CTC1: variants seen among roughly 807,000 people sequenced by gnomAD.
CTC1 encodes the protein CST complex subunit CTC1.
In CTC1, 91 loss-of-function variants were observed where a neutral mutation model predicts 136.3. The ratio of observed to expected loss-of-function variants is 0.67; its 90% CI spans 0.56 to 0.79. The LOEUF is 0.79. Ranked by LOEUF, CTC1 falls within the 30% of genes least tolerant of loss-of-function variation. The pLI is 0.00. For missense variants in CTC1, 1,432 were observed against 1,498.1 expected, an observed-to-expected ratio of 0.96 and a Z score of 0.73; for synonymous variants, 606 against 613.8, an observed-to-expected ratio of 0.99 and a Z score of 0.19.
rs994221239 is a variant in CTC1, at chr17:8,236,362, G to A, written c.793-20C>T. The A allele has an allele frequency of 1.9e-6, 3 of 1,593,700 alleles. No individual in the cohort carries two copies. The African/African-American group carries it at 4.0e-5, about 21-fold the overall frequency. ...AGGGACCTGGCTTGTGCAGAGACAGGCAATGTGACACAAGAGACCCCAACA... is the reference window on the plus strand; with the variant it reads ...AGGGACCTGGCTTGTGCAGAGACAGACAATGTGACACAAGAGACCCCAACA... On this transcript the variant is annotated intron_variant, in intron 5 of 22. Coordinates refer to ENST00000651323, the MANE Select transcript of CTC1 (RefSeq NM_025099.6).
At position 8,228,789 on chromosome 17, in the gene CTC1, C is replaced by G. The variant is rs1165501168; in HGVS notation, c.3325G>C (p.Asp1109His). The G allele has an allele frequency of 1.9e-6, 3 of 1,614,148 alleles. No homozygotes were observed. The highest frequency in any genetic ancestry group is 1.3e-5 in the African/African-American group (1 of 75,040). The change falls in exon 21 of 23, where the codon GAT becomes CAT. Residue 1109 changes from aspartate to histidine, a missense_variant. By Grantham distance (81) the Asp-to-His change is moderately conservative. Coordinates refer to ENST00000651323, the MANE Select transcript of CTC1 (RefSeq NM_025099.6). ...LCPREWASLL[D>H]FVQVPGRVVL... is the part of the protein sequence containing the mutation. ...ACTCTGCCTGGCACTTGGACGAAAT[C>G]TAGGAGGGAGGCCCACTCTCTAGGA...
At position 8,234,914 on chromosome 17, in the gene CTC1, A is replaced by G. The variant is rs749170632; in HGVS notation, c.1452T>C (p.His484=). Reference sequence around the variant, plus strand: ...GCAGGAACTGGTGGTGTCTCAGCACATGGGGACACAGCCTTGGCCAGGAAA... The same window carrying G: ...GCAGGAACTGGTGGTGTCTCAGCACGTGGGGACACAGCCTTGGCCAGGAAA... ...LEELACKLCP[H]VLRHHQFLQH... is the part of the protein sequence containing the mutation. Residue 484 remains histidine, a synonymous_variant, in exon 9 of 23, where the codon CAT becomes CAC. Transcript: ENST00000651323. 1 of 1,602,322 alleles carries G rather than the reference A, an allele frequency of 6.2e-7. No individual in the cohort carries two copies. The highest frequency in any genetic ancestry group is 8.5e-7 in the Non-Finnish European group (1 of 1,173,878).
rs555242943 is a variant in CTC1 at position 8,228,820 on chromosome 17, C to T, written c.3294G>A (p.Gly1098=). Residue 1098 remains glycine, a synonymous_variant, in exon 21 of 23, where the codon GGG becomes GGA. Coordinates refer to ENST00000651323, the MANE Select transcript of CTC1 (RefSeq NM_025099.6). The stretch of plus-strand genomic sequence containing the variant: ...GGGAGGCCCACTCTCTAGGACACAG[C>T]CCTAGTGCTGCTGCCACATGGTGAT... ...CRNHHVAAAL[G]LCPREWASLL... is the part of the protein sequence containing the mutation. 6.2e-7 allele frequency: 1 copy of T among 1,614,066 alleles called. No homozygotes were observed. Among genetic ancestry groups the T allele is most frequent in the African/African-American group, 1.3e-5 (1 of 75,044 alleles).
intron 5 of CTC1, among the ~76,000 whole-genome samples, chr17:8,236,871 T>C (rs1987773726): frequency 6.6e-6 from 1 of 152,166 alleles, no homozygotes; most frequent in African/African-American, 2.4e-5. Flanking sequence ...CTACCTTGGG[T>C]ACTATGCTCA....
intron 20 of CTC1, 64 bp downstream of exon 20, chr17:8,229,078 C>A (rs1986981712): frequency 1.3e-6 from 2 of 1,551,142 alleles, no homozygotes; most frequent in Non-Finnish European, 1.8e-6. Context: ...AATGTAGAAA[C>A]TGCAGATAGA....
intron 22 of CTC1, 39 bp from the exon 23 acceptor site, chr17:8,228,358 T>C: frequency 1.9e-6 from 3 of 1,610,044 alleles, no homozygotes; most frequent in Non-Finnish European, 2.5e-6. Context: ...GTCTCAGGCA[T>C]GTGGCTTTTA....
chr17:8,229,949 A>T lies in CTC1; in HGVS notation c.2953T>A (p.Cys985Ser). Reference sequence around the variant, plus strand: ...TGCACATAAGTGGATGACCGGAAACAACAATAAACATTGTGAGATCTGCAA... The same window carrying T: ...TGCACATAAGTGGATGACCGGAAACTACAATAAACATTGTGAGATCTGCAA... The part of the protein sequence containing the change: ...RVSRSHNVYC[C>S]FRSSTYVQVL... The change falls in exon 18 of 23, where the codon TGT becomes AGT. Residue 985 changes from cysteine (C) to serine (S), a missense_variant. Cys to Ser is a moderately radical substitution (Grantham distance 112). Transcript: ENST00000651323. 3 of 1,614,116 alleles carry T rather than the reference A, an allele frequency of 1.9e-6. No individual in the cohort carries two copies. Among genetic ancestry groups the T allele is most frequent in the Non-Finnish European group, 2.5e-6 (3 of 1,180,030 alleles).
rs1043524842 is a variant in CTC1, at chr17:8,227,120, C to G, written c.*1060G>C. On this transcript the variant is annotated 3_prime_UTR_variant, in exon 23 of 23. Coordinates refer to ENST00000651323, the MANE Select transcript of CTC1 (RefSeq NM_025099.6). ...ATATAGGGTATTGCTACCATAAAAG[C>G]AGCATAAATCCCAACATATGGGTTT... The G allele has an allele frequency of 6.6e-6, 1 of 152,204 alleles. No homozygotes were observed. The highest frequency in any genetic ancestry group is 1.5e-5 in the Non-Finnish European group (1 of 68,046). The allele number at this position is 152,204 out of a possible 1,614,324, so 9.4% of individuals were successfully genotyped here.
chr17:8,230,574 CAGAG>C lies in CTC1; in HGVS notation c.2743_2746del (p.Leu915GlyfsTer2), dbSNP rs1320984168. The stretch of plus-strand genomic sequence containing the variant: ...GGAAGGGTCATTACCCAGTTTCATC[CAGAG>C]AGACGCCACAAGGGGTTCACATAGT... On this transcript the variant is annotated frameshift_variant, in exon 16 of 23. Coordinates refer to ENST00000651323, the MANE Select transcript of CTC1 (RefSeq NM_025099.6). LOFTEE classifies it high-confidence loss of function. 6.2e-7 allele frequency: 1 copy of C among 1,614,104 alleles called. No individual in the cohort carries two copies. The highest frequency in any genetic ancestry group is 8.5e-7 in the Non-Finnish European group (1 of 1,180,022).
chr17:8,245,724 A>T (rs1162859164), intron 1 of CTC1, among the ~76,000 whole-genome samples: 2 of 152,112 alleles, frequency 1.3e-5, no homozygotes. Flanking sequence ...GCTCGAGCCC[A>T]GTAGTTCACT....
chr17:8,248,037 G>C lies in CTC1; in HGVS notation c.-1C>G. 2.5e-6 allele frequency: 4 copies of C among 1,580,878 alleles called. No homozygotes were observed. The highest frequency in any genetic ancestry group is 2.4e-5 in the East Asian group (1 of 42,418). ...GGACCTGGGCCCGGCCAGCCGCCAT[G>C]ATGCGCCGGAGCTCCGCCCCCGGGA... On this transcript the variant is annotated 5_prime_UTR_variant, in exon 1 of 23. The change creates a new upstream start codon in the 5' untranslated region. Transcript: ENST00000651323.
At chr17:8,237,972 G>T in intron 4 of CTC1, 59 bp downstream of exon 4, 1 of 1,382,070 alleles carries the variant, frequency 7.2e-7, no homozygotes, top group South Asian at 1.2e-5. Context: ...TCCCTCCACT[G>T]ACCCAGCATC....
At position 8,227,303 on chromosome 17, in the gene CTC1, G is replaced by T. The variant is rs1051022979; in HGVS notation, c.*877C>A. Reference sequence around the variant, plus strand: ...TGCAGCAACACCAGCCAAAGGCATTGGTATCTCCAAAGAATTGTTCCTAGA... The same window carrying T: ...TGCAGCAACACCAGCCAAAGGCATTTGTATCTCCAAAGAATTGTTCCTAGA... On this transcript the variant is annotated 3_prime_UTR_variant, in exon 23 of 23. Coordinates refer to ENST00000651323, the MANE Select transcript of CTC1 (RefSeq NM_025099.6). The T allele has an allele frequency of 1.3e-5, 2 of 152,102 alleles. No individual in the cohort carries two copies. The highest frequency in any genetic ancestry group is 2.4e-5 in the African/African-American group (1 of 41,366). 9.4% of individuals were successfully genotyped at this position (152,102 alleles called of 1,614,324 possible).
At position 8,243,162 on chromosome 17, in the gene CTC1, A is replaced by T. The variant is rs1266343490; in HGVS notation, c.34-14T>A. On this transcript the variant is annotated splice_polypyrimidine_tract_variant and intron_variant, in intron 1 of 22. Coordinates refer to ENST00000651323, the MANE Select transcript of CTC1 (RefSeq NM_025099.6). ...CCAGGCTTGTTCCTGAGGAAAGTGA[A>T]TTTAGTTAAAACATCTTGACTATCC... 6.2e-7 allele frequency: 1 copy of T among 1,608,802 alleles called. No individual in the cohort carries two copies. The highest frequency in any genetic ancestry group is 1.1e-5 in the South Asian group (1 of 90,282).
intron 10 of CTC1, 78 bp downstream of exon 10, chr17:8,234,377 T>C (rs1987504013): frequency 1.5e-6 from 2 of 1,357,062 alleles, no homozygotes; most frequent in East Asian, 2.5e-5. Context: ...CGAAGAAAGA[T>C]AGTAACCGAG....
At chr17:8,228,969 C>G (rs1986971058) in intron 20 of CTC1, 77 bp from the exon 21 acceptor site, 1 of 1,520,170 alleles carries the variant, frequency 6.6e-7, no homozygotes. Flanking sequence ...ATGCCTCCCT[C>G]CCCGCTGTCT....
At chr17:8,247,108 G>C (rs1397555970) in intron 1 of CTC1, among the ~76,000 whole-genome samples, 1 of 151,036 alleles carries the variant, frequency 6.6e-6, no homozygotes, top group Non-Finnish European at 1.5e-5. Flanking sequence ...TCAGCTTCCT[G>C]AGCAGCTGGG....
chr17:8,227,317 A>G lies in CTC1; in HGVS notation c.*863T>C, dbSNP rs1567594917. Reference sequence around the variant, plus strand: ...CCAAAGGCATTGGTATCTCCAAAGAATTGTTCCTAGATCCCCTAATTGTAC... The same window carrying G: ...CCAAAGGCATTGGTATCTCCAAAGAGTTGTTCCTAGATCCCCTAATTGTAC... On this transcript the variant is annotated 3_prime_UTR_variant, in exon 23 of 23. Transcript: ENST00000651323. The G allele has an allele frequency of 6.6e-6, 1 of 152,118 alleles. No individual in the cohort carries two copies. The highest frequency in any genetic ancestry group is 2.4e-5 in the African/African-American group (1 of 41,424). The allele number at this position is 152,118 out of a possible 1,614,324, so 9.4% of individuals were successfully genotyped here.
chr17:8,236,882 G>A (rs1209319094), intron 5 of CTC1, among the ~76,000 whole-genome samples: 1 of 152,118 alleles, frequency 6.6e-6, no homozygotes, highest in Non-Finnish European at 1.5e-5. Flanking sequence ...ACTATGCTCA[G>A]TACCTGGGTA....
Sources: gnomAD v4.1 joint callset for allele counts (sites outside exome capture counted in the v4.1 genomes callset) on GRCh38, gnomAD v4.1.1 for gene constraint, MANE v1.5 for transcripts, NCBI Gene and HGNC (gene_info 2026-07-23, HGNC 2026-07-21) for gene names.